The following RAMACL variants were observed in gnomAD, a reference collection of about 807,000 sequenced individuals.
The protein encoded by RAMACL is RNA guanine-N7 methyltransferase-activating subunit-like protein.
Under a neutral mutation model 13.4 loss-of-function variants are expected in RAMACL, and 9 were observed. The ratio of observed to expected loss-of-function variants is 0.67; its 90% CI spans 0.41 to 1.17. The LOEUF is 1.17. RAMACL is among the 50% of genes most tolerant of loss of function. RAMACL has a pLI of 0.01. For missense variants in RAMACL, 124 were observed against 141.6 expected (o/e 0.88, Z 0.63); for synonymous variants, 39 against 49.3 (o/e 0.79, Z 0.88).
At chr6:166,583,747 C>T (rs561823655), downstream of RAMACL, among the ~76,000 whole-genome samples, 2 of 152,220 alleles carry the variant, frequency 1.3e-5, no homozygotes, top group Non-Finnish European at 2.9e-5. Flanking sequence ...TCTCACTTGG[C>T]TTGTTTCAGT....
chr6:166,585,340 G>A (rs1785134832), downstream of RAMACL, among the ~76,000 whole-genome samples: 1 of 152,096 alleles, frequency 6.6e-6, no homozygotes. Context: ...ATCGAGGATT[G>A]CTGACATGTC....
At chr6:166,583,958 G>A (rs1224974436), downstream of RAMACL, among the ~76,000 whole-genome samples, 1 of 152,188 alleles carries the variant, frequency 6.6e-6, no homozygotes, top group Non-Finnish European at 1.5e-5. Context: ...GACCCTCTAA[G>A]GGTCAACAAA....
At chr6:166,583,971 G>T (rs3823198), downstream of RAMACL, among the ~76,000 whole-genome samples, 90,829 of 152,128 alleles carry the variant, frequency 0.6, 28,948 homozygotes, top group African/African-American at 0.81. Context: ...TCAACAAAAA[G>T]GCGCATCTTA....
downstream of RAMACL, among the ~76,000 whole-genome samples, chr6:166,585,498 C>CTTTTTTTTTTTTTT (rs58153048): frequency 1.5e-4 from 13 of 86,298 alleles, no homozygotes; most frequent in Non-Finnish European, 1.6e-4. Flanking sequence ...TCAAACAAGT[C>CTTTTTTTTTTTTTT]TTTTTTTTTT....
chr6:166,583,789 G>T (rs542387252), downstream of RAMACL, among the ~76,000 whole-genome samples: 6 of 152,346 alleles, frequency 3.9e-5, no homozygotes, highest in East Asian at 1.2e-3. Context: ...GAAGTACTAT[G>T]CCACAGGAAG....
At chr6:166,583,733 CG>C (rs1785089944), downstream of RAMACL, among the ~76,000 whole-genome samples, 1 of 152,202 alleles carries the variant, frequency 6.6e-6, no homozygotes. Flanking sequence ...TGGCAGAAGA[CG>C]TATCTCACTT....
chr6:166,585,199 C>T (rs1189231325), downstream of RAMACL, among the ~76,000 whole-genome samples: 2 of 152,200 alleles, frequency 1.3e-5, no homozygotes, highest in African/African-American at 2.4e-5. Flanking sequence ...GCTCTGGCTA[C>T]GTGAAAAAGA....
chr6:166,584,276 T>C (rs1418353485), downstream of RAMACL, among the ~76,000 whole-genome samples: 3 of 152,340 alleles, frequency 2.0e-5, no homozygotes, highest in East Asian at 5.8e-4. Context: ...TCTCTTCCTC[T>C]TCCTCTGAGG....
At chr6:166,583,492 T>G (rs930487584), downstream of RAMACL, among the ~76,000 whole-genome samples, 1 of 152,236 alleles carries the variant, frequency 6.6e-6, no homozygotes, top group Non-Finnish European at 1.5e-5. Flanking sequence ...CCTGCGCACC[T>G]TCTCTGAGCT....
At chr6:166,586,352 T>C in exon 1 of RAMACL, 1 of 1,599,592 alleles carries the variant, frequency 6.3e-7, no homozygotes, top group Admixed American at 1.7e-5. Flanking sequence ...TGCTATTCCA[T>C]TCCTCAACAA....
chr6:166,586,044 A>G, exon 1 of RAMACL: 2 of 708,642 alleles, frequency 2.8e-6, no homozygotes, highest in Non-Finnish European at 2.1e-6. Context: ...ATGTAAAACT[A>G]TGACCAACAG....
At chr6:166,583,922 T>C (rs190162799), downstream of RAMACL, among the ~76,000 whole-genome samples, 1 of 152,340 alleles carries the variant, frequency 6.6e-6, no homozygotes, top group East Asian at 1.9e-4. Flanking sequence ...TCAAGTAATT[T>C]CATCACCTTA....
At chr6:166,586,578 G>A (rs1240324084) in exon 1 of RAMACL, 9 of 1,121,058 alleles carry the variant, frequency 8.0e-6, no homozygotes, top group Admixed American at 2.3e-5. Flanking sequence ...GAACCCCGCC[G>A]GCGAGACACT....
chr6:166,586,617 C>T (rs1785184053), exon 1 of RAMACL: 3 of 722,486 alleles, frequency 4.2e-6, no homozygotes, highest in Admixed American at 3.0e-5. Flanking sequence ...GGCCTCTGGT[C>T]CACTACACCG....
downstream of RAMACL, among the ~76,000 whole-genome samples, chr6:166,583,071 G>A (rs974653199): frequency 6.6e-6 from 1 of 152,042 alleles, no homozygotes; most frequent in Non-Finnish European, 1.5e-5. Flanking sequence ...GCATATACAC[G>A]ATAATTATTT....
downstream of RAMACL, among the ~76,000 whole-genome samples, chr6:166,585,237 C>T (rs1053583277): frequency 2.0e-5 from 3 of 152,188 alleles, no homozygotes; most frequent in Admixed American, 6.5e-5. Context: ...GGCTGGGAAA[C>T]GAAGCCGTCC....
At chr6:166,583,631 C>T (rs142533914), downstream of RAMACL, among the ~76,000 whole-genome samples, 566 of 152,266 alleles carry the variant, frequency 3.7e-3, 4 homozygotes, top group African/African-American at 0.013. Context: ...CATTAAAAAC[C>T]GAAGCTAAGC....
exon 1 of RAMACL, among the ~76,000 whole-genome samples, chr6:166,585,965 C>T (rs1334028259): frequency 1.2e-4 from 4 of 33,012 alleles, no homozygotes; most frequent in East Asian, 4.7e-4. Context: ...CATCGCATTT[C>T]GCAAGTAAGA....
downstream of RAMACL, among the ~76,000 whole-genome samples, chr6:166,584,271 T>G (rs1413256328): frequency 6.6e-6 from 1 of 152,210 alleles, no homozygotes; most frequent in East Asian, 1.9e-4. Flanking sequence ...TGGTCTCTCT[T>G]CCTCTTCCTC....
Sources: allele counts gnomAD v4.1 joint callset (sites outside exome capture counted in the v4.1 genomes callset), GRCh38; gene constraint gnomAD v4.1.1; transcripts MANE v1.5; gene names NCBI Gene and HGNC (gene_info 2026-07-23, HGNC 2026-07-21).